Variants in PCDH15 observed in about 807,000 individuals in gnomAD.
PCDH15 encodes protocadherin related 15.
A neutral mutation model predicts 178.5 loss-of-function variants in PCDH15; 129 were observed. The ratio of observed to expected loss-of-function variants is 0.72; its 90% CI spans 0.63 to 0.84. PCDH15 has a LOEUF of 0.84. Among genes scored for constraint, PCDH15 ranks in the 40% least tolerant of loss-of-function variants. PCDH15 has a pLI of 0.00. For missense variants in PCDH15, 2,230 were observed against 2,099.9 expected, an observed-to-expected ratio of 1.06 and a Z score of -1.21; for synonymous variants, 800 against 732.0, an observed-to-expected ratio of 1.09 and a Z score of -1.50.
rs202240183 is a variant in PCDH15 at position 54,992,757 on chromosome 10, GA to G, written c.-79-95258del. On this transcript the variant is annotated intron_variant, in intron 2 of 5. Coordinates refer to the PCDH15 transcript ENST00000458638. ...GCGACAGAGTGATCCTCCATCTCAA[GA>G]AAAAAAAAAAAAAAGTGAAGTCAAC... Among the ~76,000 whole-genome samples, 933 of 121,062 alleles carry G rather than the reference GA, an allele frequency of 7.7e-3. 8 individuals are homozygous for G. The highest frequency in any genetic ancestry group is 0.021 in the African/African-American group (762 of 36,154). 79.4% of individuals were successfully genotyped at this position (121,062 alleles called of 152,430 possible).
At chr10:54,210,782 G>T (rs915492139) in intron 10 of PCDH15, among the ~76,000 whole-genome samples, 1 of 151,538 alleles carries the variant, frequency 6.6e-6, no homozygotes, top group African/African-American at 2.4e-5. Flanking sequence ...TGAGTTGGAA[G>T]GAAAAGAAGT....
At chr10:55,023,755 TTGTGTC>T (rs10529175) in intron 2 of PCDH15, among the ~76,000 whole-genome samples, 85,435 of 150,614 alleles carry the variant, frequency 0.57, 24,520 homozygotes, top group East Asian at 0.75. Context: ...TATCCTATAT[TTGTGTC>T]TGTGTATAAC....
At chr10:55,212,624 T>A (rs1269808508) in intron 1 of PCDH15, among the ~76,000 whole-genome samples, 1 of 152,084 alleles carries the variant, frequency 6.6e-6, no homozygotes, top group East Asian at 1.9e-4. Context: ...TGAGTGGGAA[T>A]GACAGTCAGG....
chr10:54,086,634 A>G (rs2136016165), intron 16 of PCDH15, among the ~76,000 whole-genome samples: 1 of 152,262 alleles, frequency 6.6e-6, no homozygotes, highest in South Asian at 2.1e-4. Flanking sequence ...ATAAATATCA[A>G]TGAGAACAAC....
At chr10:55,428,566 TTATC>T (rs138673311) in intron 2 of PCDH15, among the ~76,000 whole-genome samples, 85 of 151,682 alleles carry the variant, frequency 5.6e-4, no homozygotes, top group African/African-American at 1.6e-3. Flanking sequence ...ATATCTATAA[TTATC>T]TATCTATCTA....
chr10:55,285,078 C>A (rs1842833667), intron 1 of PCDH15, among the ~76,000 whole-genome samples: 1 of 150,568 alleles, frequency 6.6e-6, no homozygotes. Context: ...AGATATTGAG[C>A]TTTCCATCTA....
intron 23 of PCDH15, among the ~76,000 whole-genome samples, chr10:53,950,987 C>T (rs2086976958): frequency 6.6e-6 from 1 of 152,124 alleles, no homozygotes; most frequent in Non-Finnish European, 1.5e-5. Context: ...GGACTGAAAT[C>T]TGTTTATGTT....
At chr10:54,362,602 G>T (rs969970167) in intron 5 of PCDH15, among the ~76,000 whole-genome samples, 11 of 152,128 alleles carry the variant, frequency 7.2e-5, no homozygotes, top group African/African-American at 2.6e-4. Context: ...AATTCATTAA[G>T]CTGACTGTGA....
chr10:54,116,420 T>G (rs1337338846), intron 15 of PCDH15, among the ~76,000 whole-genome samples: 2 of 152,158 alleles, frequency 1.3e-5, no homozygotes, highest in African/African-American at 2.4e-5. Context: ...GCTAGAAGGT[T>G]TACGGGACCA....
intron 2 of PCDH15, among the ~76,000 whole-genome samples, chr10:54,909,553 CAG>C (rs904424412): frequency 3.9e-5 from 6 of 152,112 alleles, no homozygotes; most frequent in Non-Finnish European, 2.9e-5. Context: ...AGAAGCCAGA[CAG>C]TGTGAGCAGT....
At chr10:54,867,308 G>A (rs1014539845) in intron 3 of PCDH15, among the ~76,000 whole-genome samples, 5 of 152,092 alleles carry the variant, frequency 3.3e-5, no homozygotes, top group African/African-American at 1.2e-4. Context: ...TTGTTGTTCT[G>A]TTGGTGATTA....
intron 9 of PCDH15, among the ~76,000 whole-genome samples, chr10:54,222,607 T>C (rs1387066706): frequency 6.6e-6 from 1 of 152,184 alleles, no homozygotes; most frequent in African/African-American, 2.4e-5. Flanking sequence ...TTACCAGCAA[T>C]GTATGAGCAT....
At chr10:55,086,910 C>A (rs920012734) in intron 2 of PCDH15, among the ~76,000 whole-genome samples, 1 of 151,976 alleles carries the variant, frequency 6.6e-6, no homozygotes, top group African/African-American at 2.4e-5. Flanking sequence ...ATAGAAAATA[C>A]TCTCTGAATT....
At chr10:54,698,910 A>G (rs2095270783) in intron 1 of PCDH15, among the ~76,000 whole-genome samples, 1 of 152,244 alleles carries the variant, frequency 6.6e-6, no homozygotes, top group Non-Finnish European at 1.5e-5. Flanking sequence ...GATAATGATT[A>G]TGACTTTTCT....
intron 2 of PCDH15, among the ~76,000 whole-genome samples, chr10:54,905,580 C>T (rs982322130): frequency 6.6e-6 from 1 of 151,996 alleles, no homozygotes; most frequent in African/African-American, 2.4e-5. Flanking sequence ...TATTTGCAAA[C>T]AAGATAAGAA....
At chr10:54,093,096 T>C (rs1181860063) in intron 15 of PCDH15, among the ~76,000 whole-genome samples, 1 of 152,076 alleles carries the variant, frequency 6.6e-6, no homozygotes, top group Admixed American at 6.6e-5. Flanking sequence ...ATATTTATTA[T>C]TTTTATGTTA....
rs1841025938 is a variant in PCDH15, at chr10:53,804,209, T to C, written c.*2370A>G. The C allele has an allele frequency of 1.3e-5, 2 of 152,000 alleles. No homozygotes were observed. Among genetic ancestry groups the C allele is most frequent in the Non-Finnish European group, 2.9e-5 (2 of 67,906 alleles). The allele number at this position is 152,000 out of a possible 1,614,324, so 9.4% of individuals were successfully genotyped here. On this transcript the variant is annotated 3_prime_UTR_variant, in exon 38 of 38. Coordinates refer to ENST00000644397, the MANE Select transcript of PCDH15 (RefSeq NM_001384140.1). ...ATTAAGTAACAGATGATTGACCTCATGATTGTTTTTACTGAAATGATCAAG... is the reference window on the plus strand; with the variant it reads ...ATTAAGTAACAGATGATTGACCTCACGATTGTTTTTACTGAAATGATCAAG...
At position 54,966,092 on chromosome 10, in the gene PCDH15, A is replaced by C. The variant is rs185903277; in HGVS notation, c.-79-68592T>G. ...AATCACTAATCATACAGAATATTCT[A>C]TAGGAACATGGTCAACAGCATTCAA... On this transcript the variant is annotated intron_variant, in intron 2 of 5. Coordinates refer to the PCDH15 transcript ENST00000458638. Among the ~76,000 whole-genome samples, 18 of 152,106 alleles carry C rather than the reference A, an allele frequency of 1.2e-4. No individual in the cohort carries two copies. The East Asian group carries it at 3.5e-3, about 29-fold the overall frequency.
intron 1 of PCDH15, among the ~76,000 whole-genome samples, chr10:55,253,777 T>C (rs1473973385): frequency 6.6e-6 from 1 of 152,168 alleles, no homozygotes; most frequent in Non-Finnish European, 1.5e-5. Flanking sequence ...GGGTAAAAAT[T>C]AAAGCATTTC....
Sources: allele counts gnomAD v4.1 joint callset (sites outside exome capture counted in the v4.1 genomes callset), GRCh38; gene constraint gnomAD v4.1.1; transcripts MANE v1.5; gene names NCBI Gene and HGNC (gene_info 2026-07-23, HGNC 2026-07-21).